The following LIG1 variants were observed in gnomAD, a reference collection of about 807,000 sequenced individuals.
LIG1 encodes the protein DNA ligase 1.
In LIG1, 70 loss-of-function variants were observed where a neutral mutation model predicts 115.7. That is an observed-to-expected ratio of 0.60 (90% confidence interval 0.50 to 0.74). The LOEUF (loss-of-function observed/expected upper bound fraction) is 0.74. Ranked by LOEUF, LIG1 falls within the 30% of genes least tolerant of loss-of-function variation. The pLI is 0.00. For missense variants in LIG1, 1,115 were observed against 1,225.6 expected (o/e 0.91, Z 1.35); for synonymous variants, 487 against 495.3 (o/e 0.98, Z 0.22).
intron 21 of LIG1, chr19:48,123,553 G>C: frequency 1.7e-6 from 1 of 582,724 alleles, no homozygotes; most frequent in Non-Finnish European, 3.1e-6. Context: ...AGGAGCATCA[G>C]ACGGGGGGCT....
intron 2 of LIG1, among the ~76,000 whole-genome samples, chr19:48,163,560 G>A (rs1477296017): frequency 6.6e-6 from 1 of 152,036 alleles, no homozygotes; most frequent in East Asian, 1.9e-4. Context: ...GGGCCTGAGG[G>A]GTTTGGCAGT....
rs111806550 is a variant in LIG1, at chr19:48,165,599, A to G, written c.-33T>C. ...TCAGAATTCTCCCTTCCTGTCCAGC[A>G]CTTTTCTTCGTCTGTCAGCTGCTCC... On this transcript the variant is annotated 5_prime_UTR_variant, in exon 2 of 28. Transcript: ENST00000263274. The G allele has an allele frequency of 6.2e-7, 1 of 1,613,864 alleles. No individual in the cohort carries two copies. Among genetic ancestry groups the G allele is most frequent in the Admixed American group, 1.7e-5 (1 of 59,970 alleles).
chr19:48,116,816 T>G lies in LIG1; in HGVS notation c.2583+822A>C, dbSNP rs539659893. Reference sequence around the variant, plus strand: ...GTCCCTGGCTGTCTAACGTGCAGCATGGTAAAACATTTTTAAAAATTAGAT... The same window carrying G: ...GTCCCTGGCTGTCTAACGTGCAGCAGGGTAAAACATTTTTAAAAATTAGAT... On this transcript the variant is annotated intron_variant, in intron 26 of 27. Coordinates refer to ENST00000263274, the MANE Select transcript of LIG1 (RefSeq NM_000234.3). Among the ~76,000 whole-genome samples, 4 of 152,276 alleles carry G rather than the reference T, an allele frequency of 2.6e-5. No homozygotes were observed. The South Asian group carries it at 8.3e-4, about 32-fold the overall frequency.
chr19:48,150,101 G>A lies in LIG1; in HGVS notation c.684C>T (p.Leu228=), dbSNP rs2035372760. 1 of 1,614,094 alleles carries A rather than the reference G, an allele frequency of 6.2e-7. No homozygotes were observed. Among genetic ancestry groups the A allele is most frequent in the South Asian group, 1.1e-5 (1 of 91,088 alleles). ...AGGGAAACTCACTGAAGAAGCTGCT[G>A]AGCGTCTTGGGAGCTCTGCGGGGAG... ...TKPPRRAPKT[L]SSFFTPRKPA... The change falls in exon 8 of 28, where the codon CTC becomes CTT. Residue 228 remains leucine (L), a synonymous_variant. Coordinates refer to ENST00000263274, the MANE Select transcript of LIG1 (RefSeq NM_000234.3).
At chr19:48,123,933 G>C (rs2033483676) in intron 21 of LIG1, among the ~76,000 whole-genome samples, 1 of 151,750 alleles carries the variant, frequency 6.6e-6, no homozygotes, top group Admixed American at 6.6e-5. Context: ...TTACAGTTTT[G>C]TGTTTTGCTT....
chr19:48,163,683 C>T (rs1003944228), intron 2 of LIG1, among the ~76,000 whole-genome samples: 5 of 151,994 alleles, frequency 3.3e-5, no homozygotes, highest in Non-Finnish European at 7.4e-5. Context: ...GTGGCTCACA[C>T]CTGTAATCCC....
intron 26 of LIG1, 126 bp downstream of exon 26, chr19:48,117,512 G>T (rs1702983502): frequency 4.7e-6 from 5 of 1,065,844 alleles, no homozygotes; most frequent in Non-Finnish European, 6.9e-6. Context: ...CAAATAAAAT[G>T]CAAGCTCATC....
intron 7 of LIG1, 80 bp from the exon 8 acceptor site, chr19:48,150,290 C>T: frequency 6.3e-7 from 1 of 1,592,674 alleles, no homozygotes; most frequent in Non-Finnish European, 8.6e-7. Flanking sequence ...CCCCCAAGAT[C>T]ATTCTGACCC....
At chr19:48,133,325 C>G (rs1300111253) in intron 17 of LIG1, 1 of 564,758 alleles carries the variant, frequency 1.8e-6, no homozygotes. Flanking sequence ...GCAGCATGTG[C>G]AATGTCTGGC....
Position 48,119,195 on chromosome 19 carries a change from A to G in LIG1, c.2386-5T>C. On this transcript the variant is annotated splice_polypyrimidine_tract_variant and splice_region_variant and intron_variant, in intron 24 of 27. Coordinates refer to ENST00000263274, the MANE Select transcript of LIG1 (RefSeq NM_000234.3). ...ATCACTGAAGCCAGTTCCAAGCTGC[A>G]GGGAGGAAGCGGGAGGTCAGAGGCT... 4 of 1,582,282 alleles carry G rather than the reference A, an allele frequency of 2.5e-6. No homozygotes were observed. The highest frequency in any genetic ancestry group is 3.4e-6 in the Non-Finnish European group (4 of 1,164,154).
At chr19:48,154,887 T>C (rs1319311249) in intron 5 of LIG1, among the ~76,000 whole-genome samples, 2 of 152,152 alleles carry the variant, frequency 1.3e-5, no homozygotes, top group Non-Finnish European at 2.9e-5. Flanking sequence ...AGTCTTTTGA[T>C]GTCTACCCCG....
chr19:48,165,673 C>T, intron 1 of LIG1, 50 bp from the exon 2 acceptor site: 1 of 1,257,024 alleles, frequency 8.0e-7, no homozygotes, highest in Non-Finnish European at 1.2e-6. Context: ...GTGCAGAGAT[C>T]TAAACACACA....
chr19:48,116,015 G>T, intron 26 of LIG1, 50 bp from the exon 27 acceptor site: 1 of 1,374,732 alleles, frequency 7.3e-7, no homozygotes. Context: ...GCGACCCCCT[G>T]CTCAGTCTCC....
chr19:48,136,493 T>C (rs1168747130), intron 14 of LIG1, among the ~76,000 whole-genome samples: 1 of 152,180 alleles, frequency 6.6e-6, no homozygotes, highest in Admixed American at 6.5e-5. Flanking sequence ...TGGTCCTTGC[T>C]TTGAGCCAGT....
chr19:48,157,918 A>G (rs1176942854), intron 4 of LIG1, among the ~76,000 whole-genome samples: 1 of 152,130 alleles, frequency 6.6e-6, no homozygotes, highest in Non-Finnish European at 1.5e-5. Flanking sequence ...TGTTGGAGGT[A>G]TGACCTGGCG....
intron 24 of LIG1, 75 bp downstream of exon 24, chr19:48,121,095 G>A (rs977453695): frequency 1.2e-6 from 2 of 1,612,114 alleles, no homozygotes; most frequent in Non-Finnish European, 1.7e-6. Flanking sequence ...GGTCTGGGTT[G>A]TGCAATAGGA....
At chr19:48,165,035 C>T (rs1388359067) in intron 2 of LIG1, among the ~76,000 whole-genome samples, 5 of 152,122 alleles carry the variant, frequency 3.3e-5, no homozygotes, top group African/African-American at 9.7e-5. Context: ...CCGAGGTGGG[C>T]GGATCACGAG....
chr19:48,117,861 G>A, intron 25 of LIG1, 80 bp from the exon 26 acceptor site: 2 of 1,519,330 alleles, frequency 1.3e-6, no homozygotes, highest in Non-Finnish European at 1.8e-6. Flanking sequence ...CTGGGGAGAG[G>A]GAGGAAGGGA....
rs780324684 is a variant in LIG1, at chr19:48,128,007, G to A, written c.1835C>T (p.Ser612Leu). The A allele has an allele frequency of 2.7e-5, 44 of 1,613,926 alleles. No homozygotes were observed. Among genetic ancestry groups the A allele is most frequent in the South Asian group, 4.4e-5 (4 of 91,080 alleles). ...ISRIPKIKLP[S>L]VTSFILDTEA... ...GGTGTCCAGGATGAAGGATGTGACC[G>A]ATGGGAGTTTAATCTGAAAAGTGAA... The change falls in exon 20 of 28, where the codon TCG becomes TTG. Residue 612 changes from serine (S) to leucine (L), a missense_variant. Coordinates refer to ENST00000263274, the MANE Select transcript of LIG1 (RefSeq NM_000234.3).
Sources: allele counts gnomAD v4.1 joint callset (sites outside exome capture counted in the v4.1 genomes callset), GRCh38; gene constraint gnomAD v4.1.1; transcripts MANE v1.5; gene names NCBI Gene and HGNC (gene_info 2026-07-23, HGNC 2026-07-21).